The following INTS4 variants were observed in gnomAD, a reference collection of about 807,000 sequenced individuals.
The protein encoded by INTS4 is MSTP093.
In INTS4, 70 loss-of-function variants were observed where a neutral mutation model predicts 119.5. The observed-to-expected ratio is 0.59, with a 90% confidence interval of 0.48 to 0.71. The LOEUF is 0.71. Ranked by LOEUF, INTS4 falls within the 30% of genes least tolerant of loss-of-function variation. The pLI is 0.00. For missense variants in INTS4, 867 were observed against 1,173.2 expected, an observed-to-expected ratio of 0.74 and a Z score of 3.81; for synonymous variants, 316 against 419.6, an observed-to-expected ratio of 0.75 and a Z score of 3.02.
chr11:77,898,058 C>T (rs544707330), intron 18 of INTS4, among the ~76,000 whole-genome samples: 2 of 152,296 alleles, frequency 1.3e-5, no homozygotes, highest in African/African-American at 4.8e-5. Context: ...CTCAAGCGAT[C>T]CTCCTGCTTT....
At chr11:77,909,951 T>A (rs1953050616) in intron 15 of INTS4, among the ~76,000 whole-genome samples, 1 of 152,158 alleles carries the variant, frequency 6.6e-6, no homozygotes, top group Non-Finnish European at 1.5e-5. Flanking sequence ...CAACACGTGC[T>A]GGAGAGGATG....
At chr11:77,993,834 T>C (rs1303593331) in intron 1 of INTS4, among the ~76,000 whole-genome samples, 3 of 152,054 alleles carry the variant, frequency 2.0e-5, no homozygotes, top group Non-Finnish European at 4.4e-5. Context: ...GCTTGACTTA[T>C]CAAATAGAAT....
chr11:77,977,214 C>T (rs943614984), intron 4 of INTS4, among the ~76,000 whole-genome samples: 4 of 152,034 alleles, frequency 2.6e-5, no homozygotes, highest in Non-Finnish European at 1.5e-5. Context: ...ATATTTTAGA[C>T]TAACAATATG....
At chr11:77,930,667 T>C (rs1358474847) in intron 10 of INTS4, among the ~76,000 whole-genome samples, 1 of 152,160 alleles carries the variant, frequency 6.6e-6, no homozygotes, top group African/African-American at 2.4e-5. Flanking sequence ...AAATTGATAT[T>C]TTCCACTGAA....
intron 2 of INTS4, among the ~76,000 whole-genome samples, chr11:77,984,266 G>A (rs1232390340): frequency 6.6e-6 from 1 of 152,178 alleles, no homozygotes; most frequent in Non-Finnish European, 1.5e-5. Flanking sequence ...GCCAAGGCAG[G>A]CAGATCACCC....
At chr11:77,908,084 T>TA (rs5792784) in intron 15 of INTS4, among the ~76,000 whole-genome samples, 152,307 of 152,308 alleles carry the variant, frequency 1, 76,153 homozygotes, top group Non-Finnish European at 1. Flanking sequence ...CACTGAAAAG[T>TA]ATACTAAGAG....
Position 77,960,407 on chromosome 11 carries a change from A to C in INTS4, c.658-16T>G. 2 of 1,545,054 alleles carry C rather than the reference A, an allele frequency of 1.3e-6. No individual in the cohort carries two copies. The highest frequency in any genetic ancestry group is 1.8e-6 in the Non-Finnish European group (2 of 1,120,180). On this transcript the variant is annotated splice_polypyrimidine_tract_variant and intron_variant, in intron 5 of 22. Transcript: ENST00000534064. ...GGAGCTGCAACTAGATAATAAATAT[A>C]TAGTTTAAGTGCTTGGGAGGAAAAG...
chr11:77,926,782 A>G lies in INTS4; in HGVS notation c.1371+1560T>C, dbSNP rs998508174. Among the ~76,000 whole-genome samples, 4 of 145,324 alleles carry G rather than the reference A, an allele frequency of 2.8e-5. No homozygotes were observed. The East Asian group carries it at 8.0e-4, about 29-fold the overall frequency. ...AGCCAAGATCGTACCACCGCACTCC[A>G]CCCTGGGGAACAGAGCGAGACTCAG... On this transcript the variant is annotated intron_variant, in intron 11 of 22. Transcript: ENST00000534064.
At chr11:77,884,837 C>A in intron 21 of INTS4, 1 of 397,438 alleles carries the variant, frequency 2.5e-6, no homozygotes. Flanking sequence ...TCACTGAAGC[C>A]TCAAACTCCT....
chr11:77,928,275 A>C, intron 11 of INTS4, 67 bp downstream of exon 11: 1 of 1,548,548 alleles, frequency 6.5e-7, no homozygotes, highest in East Asian at 2.2e-5. Flanking sequence ...AATGCCTAGC[A>C]CAATACCTGA....
At chr11:77,887,511 C>T (rs1223988230) in intron 21 of INTS4, among the ~76,000 whole-genome samples, 2 of 152,068 alleles carry the variant, frequency 1.3e-5, no homozygotes, top group African/African-American at 4.8e-5. Flanking sequence ...AAAACTGGCA[C>T]AAGACAGGGA....
intron 8 of INTS4, among the ~76,000 whole-genome samples, chr11:77,947,664 A>G (rs1267615744): frequency 6.6e-6 from 1 of 152,238 alleles, no homozygotes; most frequent in Non-Finnish European, 1.5e-5. Flanking sequence ...ATGAAGGTTA[A>G]ATTCAAAATG....
intron 9 of INTS4, among the ~76,000 whole-genome samples, chr11:77,939,220 G>A (rs1425494542): frequency 6.6e-6 from 1 of 152,210 alleles, no homozygotes; most frequent in Non-Finnish European, 1.5e-5. Context: ...GCTCACACCT[G>A]TAATCCCAGC....
At chr11:77,939,677 T>A (rs1310532849) in intron 9 of INTS4, among the ~76,000 whole-genome samples, 4 of 151,632 alleles carry the variant, frequency 2.6e-5, no homozygotes, top group Non-Finnish European at 5.9e-5. Flanking sequence ...AAACCCCATC[T>A]CTAAAAAACT....
At chr11:77,954,350 G>T (rs185922077) in intron 8 of INTS4, among the ~76,000 whole-genome samples, 326 of 151,606 alleles carry the variant, frequency 2.2e-3, no homozygotes, top group African/African-American at 7.5e-3. Flanking sequence ...GGGTCTTGCT[G>T]TGTTGCCCAG....
chr11:77,945,546 G>A (rs549932421), intron 8 of INTS4, among the ~76,000 whole-genome samples: 1 of 152,302 alleles, frequency 6.6e-6, no homozygotes, highest in African/African-American at 2.4e-5. Context: ...GATGATCTCA[G>A]CATCAGACCC....
At chr11:77,911,883 T>C (rs1172292767) in intron 15 of INTS4, among the ~76,000 whole-genome samples, 3 of 152,144 alleles carry the variant, frequency 2.0e-5, no homozygotes, top group Non-Finnish European at 2.9e-5. Flanking sequence ...AGATCAAAAT[T>C]TAAGTGGCTT....
chr11:77,909,002 T>C (rs1339891387), intron 15 of INTS4, among the ~76,000 whole-genome samples: 1 of 152,204 alleles, frequency 6.6e-6, no homozygotes, highest in Non-Finnish European at 1.5e-5. Flanking sequence ...GTGCACATTG[T>C]CTGTCTGGAT....
chr11:77,905,811 A>G (rs898796466), intron 16 of INTS4, among the ~76,000 whole-genome samples: 13 of 152,208 alleles, frequency 8.5e-5, no homozygotes, highest in Non-Finnish European at 1.9e-4. Context: ...CCAAAGTGAT[A>G]TGCATTTATA....
Sources: allele counts gnomAD v4.1 joint callset (sites outside exome capture counted in the v4.1 genomes callset), GRCh38; gene constraint gnomAD v4.1.1; transcripts MANE v1.5; gene names NCBI Gene and HGNC (gene_info 2026-07-23, HGNC 2026-07-21).